SLC23A1: variants seen among roughly 807,000 people sequenced by gnomAD.
The protein encoded by SLC23A1 is solute carrier family 23 member 1, also known as Na(+)/L-ascorbic acid transporter 1.
SLC23A1 carries 31 observed loss-of-function variants against 62.5 expected under a neutral mutation model. That is an observed-to-expected ratio of 0.50 (90% CI 0.37 to 0.67). SLC23A1 has a LOEUF of 0.67. Ranked by LOEUF, SLC23A1 falls within the 30% of genes least tolerant of loss-of-function variation. The pLI, the probability that SLC23A1 is intolerant of heterozygous loss-of-function variation, is 0.00. For synonymous variants in SLC23A1, 271 were observed against 313.2 expected (o/e 0.87, Z 1.42); for missense variants, 640 against 782.7 (o/e 0.82, Z 2.18).
intron 14 of SLC23A1, among the ~76,000 whole-genome samples, chr5:139,370,299 T>A (rs1757574727): frequency 6.6e-6 from 1 of 152,048 alleles, no homozygotes; most frequent in Non-Finnish European, 1.5e-5. Context: ...GCCTCCCAAA[T>A]AGCTAGGATT....
At chr5:139,372,560 T>C (rs1006055649) in intron 13 of SLC23A1, among the ~76,000 whole-genome samples, 4 of 152,118 alleles carry the variant, frequency 2.6e-5, no homozygotes, top group African/African-American at 9.7e-5. Context: ...ATAGACACCA[T>C]TGTACAAATT....
rs1373345517 is a variant in SLC23A1, at chr5:139,372,151, C to T, written c.1652G>A (p.Gly551Asp). The T allele has an allele frequency of 5.6e-6, 9 of 1,613,200 alleles. No homozygotes were observed. The highest frequency in any genetic ancestry group is 1.6e-4 in the Middle Eastern group (1 of 6,084). Residue 551 changes from glycine (G) to aspartate (D), a missense_variant, in exon 14 of 15, where the codon GGC (glycine) becomes GAC (aspartate). By Grantham distance (94) the Gly-to-Asp change is moderately conservative. Coordinates refer to ENST00000348729, the MANE Select transcript of SLC23A1 (RefSeq NM_005847.5). ...CAGAAAGGTAATTCTTTTTACTATGCCCATCCCAATGGGGAAATCGTAGCT... is the reference window on the plus strand; with the variant it reads ...CAGAAAGGTAATTCTTTTTACTATGTCCATCCCAATGGGGAAATCGTAGCT... ...LKSYDFPIGM[G>D]IVKRITFLKY...
chr5:139,382,085 G>A (rs1758299838), intron 2 of SLC23A1, 36 bp from the exon 3 acceptor site: 1 of 1,584,444 alleles, frequency 6.3e-7, no homozygotes, highest in Non-Finnish European at 8.6e-7. Flanking sequence ...CATGAGGCAG[G>A]ACCCCAGAGC....
At position 139,379,096 on chromosome 5, in the gene SLC23A1, G is replaced by T; in HGVS notation, c.1073+111C>A. 1.9e-6 allele frequency: 2 copies of T among 1,054,982 alleles called. No homozygotes were observed. The highest frequency in any genetic ancestry group is 2.9e-6 in the Non-Finnish European group (2 of 693,192). 65.4% of individuals were successfully genotyped at this position (1,054,982 alleles called of 1,614,324 possible). A position where few individuals can be genotyped will look rare whatever the true frequency, so the allele number is the denominator to read the frequency against. On this transcript the variant is annotated intron_variant, in intron 9 of 14. Transcript: ENST00000348729. This position sits in a 1 kb window ranked among gnomAD's most constrained non-coding sequence, Gnocchi z 4.7. The stretch of plus-strand genomic sequence containing the variant: ...ACAAACAAGGAGAATGAGGTCTGGA[G>T]CGTGTTCCCGACTTGCCTAAGCCTA...
chr5:139,382,512 A>G lies in SLC23A1; in HGVS notation c.130T>C (p.Cys44Arg). The change falls in exon 2 of 15, where the codon TGC becomes CGC. Residue 44 changes from cysteine (C) to arginine (R), a missense_variant. Coordinates refer to ENST00000348729, the MANE Select transcript of SLC23A1 (RefSeq NM_005847.5). The stretch of plus-strand genomic sequence containing the variant: ...CCCACCTGGAAGCCCAGCAGGATGC[A>G]CAGGTACCAAGGTGGCACGTCCTCG... The part of the protein sequence containing the change: ...KIEDVPPWYL[C>R]ILLGFQHYLT... 1 of 1,612,250 alleles carries G rather than the reference A, an allele frequency of 6.2e-7. No individual in the cohort carries two copies. The highest frequency in any genetic ancestry group is 8.5e-7 in the Non-Finnish European group (1 of 1,178,490).
rs991447568 is a variant in SLC23A1 at position 139,372,213 on chromosome 5, C to T, written c.1590G>A (p.Gly530=). 2 of 1,613,630 alleles carry T rather than the reference C, an allele frequency of 1.2e-6. No individual in the cohort carries two copies. The highest frequency in any genetic ancestry group is 1.1e-5 in the South Asian group (1 of 91,074). Residue 530 remains glycine (G), a synonymous_variant, in exon 14 of 15, where the codon GGG becomes GGA. Coordinates refer to ENST00000348729, the MANE Select transcript of SLC23A1 (RefSeq NM_005847.5). ...AAGACATGTCACTGTTGGCATGAGCCCCAGCTTTCCACTGTATCAGACCAC... is the reference window on the plus strand; with the variant it reads ...AAGACATGTCACTGTTGGCATGAGCTCCAGCTTTCCACTGTATCAGACCAC... ...EERGLIQWKA[G]AHANSDMSSS...
rs1014446048 is a variant in SLC23A1 at position 139,382,415 on chromosome 5, C to T, written c.150+77G>A. ...GTTTTTCTTCCTGTTACCCAAGATA[C>T]TCCCTGCTGGCCAGGGAGGGGCTGG... On this transcript the variant is annotated intron_variant, in intron 2 of 14. Transcript: ENST00000348729. The T allele has an allele frequency of 2.1e-5, 17 of 801,698 alleles. No individual in the cohort carries two copies. The African/African-American group carries it at 2.6e-4, about 12-fold the overall frequency. 49.7% of individuals were successfully genotyped at this position (801,698 alleles called of 1,614,324 possible).
chr5:139,382,353 G>A (rs888489914), intron 2 of SLC23A1, 139 bp downstream of exon 2: 11 of 608,980 alleles, frequency 1.8e-5, no homozygotes, highest in Admixed American at 3.0e-5. Context: ...GCCTCTTCCC[G>A]ACTCCTGCTT....
chr5:139,378,748 T>C lies in SLC23A1; in HGVS notation c.1074-64A>G. The C allele has an allele frequency of 7.9e-7, 1 of 1,263,232 alleles. No individual in the cohort carries two copies. The highest frequency in any genetic ancestry group is 1.3e-5 in the South Asian group (1 of 78,582). 78.3% of individuals were successfully genotyped at this position (1,263,232 alleles called of 1,614,324 possible). ...TGCACCAGTCTGTGTTCCCCCATCA[T>C]CTTAGCAAGCTGCCGTCCTCTGGGG... On this transcript the variant is annotated intron_variant, in intron 9 of 14. Coordinates refer to ENST00000348729, the MANE Select transcript of SLC23A1 (RefSeq NM_005847.5). The surrounding 1 kb of genome is among the most constrained non-coding windows in gnomAD (Gnocchi z 4.5).
At position 139,376,467 on chromosome 5, in the gene SLC23A1, C is replaced by A. The variant is rs148176268; in HGVS notation, c.1549+935G>T. On this transcript the variant is annotated intron_variant, in intron 13 of 14. Transcript: ENST00000348729. ...ACAGGCATGAGCCACCATGCTCGGC[C>A]GTGATGTTTTAATTTTGTGACTTTA... Among the ~76,000 whole-genome samples, 1,066 of 152,242 alleles carry A rather than the reference C, an allele frequency of 7.0e-3. 16 individuals are homozygous for A. Among genetic ancestry groups the A allele is most frequent in the African/African-American group, 0.025 (1,022 of 41,546 alleles).
In SLC23A1 at chr5:139,381,499, TGGGAGAATCGCTTGAACGC is replaced by T. The variant is rs1425039072; in HGVS notation, c.308+374_308+392del. 3.0e-4 allele frequency among the ~76,000 whole-genome samples: 45 copies of T among 149,286 alleles called. 1 individual carries two copies. Among genetic ancestry groups the T allele is most frequent in the Admixed American group, 2.4e-3 (36 of 14,752 alleles). ...ATCCCAGCTACTCAGGAGGCTAAGG[TGGGAGAATCGCTTGAACGC>T]GGGAGAATCGCTTGAACCCGGGAGG... On this transcript the variant is annotated intron_variant, in intron 3 of 14. Coordinates refer to ENST00000348729, the MANE Select transcript of SLC23A1 (RefSeq NM_005847.5).
Position 139,377,442 on chromosome 5 carries a change from C to T in SLC23A1, c.1509G>A (p.Val503=), listed in dbSNP as rs1301416693. The T allele has an allele frequency of 1.9e-6, 3 of 1,611,946 alleles. No individual in the cohort carries two copies. Among genetic ancestry groups the T allele is most frequent in the African/African-American group, 2.7e-5 (2 of 74,896 alleles). Residue 503 remains valine, a synonymous_variant, in exon 13 of 15, where the codon GTG becomes GTA. Coordinates refer to ENST00000348729, the MANE Select transcript of SLC23A1 (RefSeq NM_005847.5). ...CAAGTATGAAAGCAAGGCACCCGCC[C>T]ACAAACATCTCCGTGGTCAGCAGCA... The part of the protein sequence containing the change: ...LIVLLTTEMF[V]GGCLAFILDN...
rs1171253123 is a variant in SLC23A1 at position 139,377,424 on chromosome 5, G to A, written c.1527C>T (p.Phe509=). 1 of 1,605,496 alleles carries A rather than the reference G, an allele frequency of 6.2e-7. No individual in the cohort carries two copies. The highest frequency in any genetic ancestry group is 8.5e-7 in the Non-Finnish European group (1 of 1,172,102). Residue 509 remains phenylalanine, a synonymous_variant, in exon 13 of 15, where the codon TTC becomes TTT. Transcript: ENST00000348729. ...TACCTGGCACTGTGTTGTCAAGTAT[G>A]AAAGCAAGGCACCCGCCCACAAACA... The part of the protein sequence containing the change: ...TEMFVGGCLA[F]ILDNTVPGSP...
At chr5:139,373,349 T>A (rs1474123990) in intron 13 of SLC23A1, among the ~76,000 whole-genome samples, 1 of 152,076 alleles carries the variant, frequency 6.6e-6, no homozygotes, top group Non-Finnish European at 1.5e-5. Context: ...GGCTAATTAC[T>A]GTAATTTTAA....
At chr5:139,368,322 A>C (rs1442020521) in intron 14 of SLC23A1, among the ~76,000 whole-genome samples, 1 of 152,100 alleles carries the variant, frequency 6.6e-6, no homozygotes, top group Non-Finnish European at 1.5e-5. Flanking sequence ...CCTGGGTGAC[A>C]GAGTGAGACT....
In SLC23A1 at chr5:139,380,627, TCTC is replaced by T. The variant is rs763362539; in HGVS notation, c.400_402del (p.Glu134del). 10 of 1,612,866 alleles carry T rather than the reference TCTC, an allele frequency of 6.2e-6. No individual in the cohort carries two copies. Among genetic ancestry groups the T allele is most frequent in the Admixed American group, 1.7e-5 (1 of 59,992 alleles). ...AGGGGCAGACTCCAGTTACCGTAGA[TCTC>T]CTCTGGGGGTAGAGTCAGGGATACA... On this transcript the variant is annotated inframe_deletion and splice_region_variant, in exon 5 of 15. Transcript: ENST00000348729.
intron 1 of SLC23A1, among the ~76,000 whole-genome samples, chr5:139,382,996 G>A (rs1758355164): frequency 6.6e-6 from 1 of 152,174 alleles, no homozygotes; most frequent in Non-Finnish European, 1.5e-5. Context: ...GGGAGATTAG[G>A]CCTCTCCTGA....
At chr5:139,375,620 A>C (rs1757909468) in intron 13 of SLC23A1, among the ~76,000 whole-genome samples, 1 of 152,116 alleles carries the variant, frequency 6.6e-6, no homozygotes. Flanking sequence ...GGATCACCTG[A>C]GGTCAGGAGT....
Position 139,382,187 on chromosome 5 carries a change from A to G in SLC23A1, c.151-138T>C, listed in dbSNP as rs577231452. 6.2e-6 allele frequency: 5 copies of G among 802,902 alleles called. No homozygotes were observed. In the African/African-American group the frequency reaches 8.6e-5, roughly 14 times the overall value. The allele number at this position is 802,902 out of a possible 1,614,324, so 49.7% of individuals were successfully genotyped here. On this transcript the variant is annotated intron_variant, in intron 2 of 14. Coordinates refer to ENST00000348729, the MANE Select transcript of SLC23A1 (RefSeq NM_005847.5). ...CCAGGACTGGCAGTCCCCACAAGGGATTCCCAGAGAGCTACTGCTGACCAC... is the reference window on the plus strand; with the variant it reads ...CCAGGACTGGCAGTCCCCACAAGGGGTTCCCAGAGAGCTACTGCTGACCAC...
Sources: allele counts gnomAD v4.1 joint callset (sites outside exome capture counted in the v4.1 genomes callset), GRCh38; gene constraint gnomAD v4.1.1; non-coding constraint Gnocchi (gnomAD v3.1); transcripts MANE v1.5; gene names NCBI Gene and HGNC (gene_info 2026-07-23, HGNC 2026-07-21).